SLC35F1: variants seen among roughly 807,000 people sequenced by gnomAD.
SLC35F1 encodes the protein chromosome 6 open reading frame 169.
SLC35F1 carries 14 observed loss-of-function variants against 48.7 expected under a neutral mutation model. The ratio of observed to expected loss-of-function variants is 0.29; its 90% CI spans 0.19 to 0.45. The LOEUF is 0.45. SLC35F1 is among the 20% of genes least tolerant of loss of function. The pLI is 1.00. For synonymous variants in SLC35F1, 190 were observed against 202.2 expected (o/e 0.94, Z 0.51); for missense variants, 404 against 500.0 (o/e 0.81, Z 1.83).
chr6:118,106,977 A>G (rs950006742), intron 1 of SLC35F1, among the ~76,000 whole-genome samples: 3 of 152,222 alleles, frequency 2.0e-5, no homozygotes, highest in Non-Finnish European at 2.9e-5. Flanking sequence ...TCTACCCCCC[A>G]GCATCACTTT....
At chr6:118,034,531 C>G (rs1683822038) in intron 1 of SLC35F1, among the ~76,000 whole-genome samples, 1 of 151,722 alleles carries the variant, frequency 6.6e-6, no homozygotes, top group South Asian at 2.1e-4. Context: ...GCACTCCAGC[C>G]TGGGTGACAG....
intron 1 of SLC35F1, among the ~76,000 whole-genome samples, chr6:117,915,868 G>T (rs143241599): frequency 6.6e-6 from 1 of 152,290 alleles, no homozygotes; most frequent in Non-Finnish European, 1.5e-5. Context: ...TGGGGTGGAG[G>T]CAGCCAGGAC....
At chr6:117,951,315 G>A (rs993688539) in intron 1 of SLC35F1, among the ~76,000 whole-genome samples, 1 of 152,188 alleles carries the variant, frequency 6.6e-6, no homozygotes, top group Non-Finnish European at 1.5e-5. Context: ...GGAGTAAAGA[G>A]TTTTCTGCTG....
At chr6:118,036,652 G>T (rs1172750492) in intron 1 of SLC35F1, among the ~76,000 whole-genome samples, 1 of 152,010 alleles carries the variant, frequency 6.6e-6, no homozygotes, top group Non-Finnish European at 1.5e-5. Context: ...CCACCTCCTG[G>T]GCTCAAGCAA....
rs116539261 is a variant in SLC35F1, at chr6:118,111,756, G to T, written c.174-42689G>T. 5.7e-3 allele frequency among the ~76,000 whole-genome samples: 864 copies of T among 152,236 alleles called. 6 individuals are homozygous for T. The highest frequency in any genetic ancestry group is 0.02 in the African/African-American group (831 of 41,544). ...AAAGAATAAGAGAAACAATATATTG[G>T]GTGATTAAGCTTATGAATAATTGAA... On this transcript the variant is annotated intron_variant, in intron 1 of 7. Coordinates refer to ENST00000360388, the MANE Select transcript of SLC35F1 (RefSeq NM_001029858.4).
intron 1 of SLC35F1, among the ~76,000 whole-genome samples, chr6:117,971,593 G>A (rs1428685543): frequency 1.3e-5 from 2 of 152,250 alleles, no homozygotes; most frequent in East Asian, 3.8e-4. Context: ...CTTCTGCCTG[G>A]ACATCCAGTC....
At chr6:118,083,860 C>T (rs1329988619) in intron 1 of SLC35F1, among the ~76,000 whole-genome samples, 2 of 152,196 alleles carry the variant, frequency 1.3e-5, no homozygotes, top group Non-Finnish European at 2.9e-5. Context: ...TGCAAACTGT[C>T]TGTGCTATTG....
intron 1 of SLC35F1, among the ~76,000 whole-genome samples, chr6:118,142,337 A>G (rs183418596): frequency 1.8e-3 from 269 of 152,274 alleles, no homozygotes; most frequent in African/African-American, 6.3e-3. Context: ...ATGGTAAAAT[A>G]GTTACTAGAA....
Position 117,929,215 on chromosome 6 carries a change from A to C in SLC35F1, c.173+21316A>C, listed in dbSNP as rs113038077. ...ATAAACCCCTAATTTTAGTTTGTCG[A>C]GGAGATGGATTTGAGGCTAATCTCC... On this transcript the variant is annotated intron_variant, in intron 1 of 7. Coordinates refer to ENST00000360388, the MANE Select transcript of SLC35F1 (RefSeq NM_001029858.4). 5.7e-3 allele frequency among the ~76,000 whole-genome samples: 868 copies of C among 151,840 alleles called. 8 individuals are homozygous for C. The highest frequency in any genetic ancestry group is 0.02 in the African/African-American group (811 of 41,392).
chr6:117,969,805 C>A (rs1173928040), intron 1 of SLC35F1, among the ~76,000 whole-genome samples: 1 of 152,100 alleles, frequency 6.6e-6, no homozygotes, highest in Non-Finnish European at 1.5e-5. Flanking sequence ...ATATACATAG[C>A]TATTGTTAAT....
Position 118,275,582 on chromosome 6 carries a change from G to C in SLC35F1, c.761G>C (p.Gly254Ala). ...LSRVEFLGMI[G>A]LFGAFFSGIQ... ...CGAGTGGAATTCCTGGGAATGATTGGTCTCTTTGGAGCATTTTTCAGTGGA... is the reference window on the plus strand; with the variant it reads ...CGAGTGGAATTCCTGGGAATGATTGCTCTCTTTGGAGCATTTTTCAGTGGA... The change falls in exon 5 of 8, where the codon GGT becomes GCT. Residue 254 changes from glycine to alanine, a missense_variant. Physicochemically the swap from Gly to Ala is moderately conservative, Grantham distance 60. Around this residue, in one of 2 missense-constraint regions of SLC35F1, gnomAD observed 306 missense variants for 419.1 expected, o/e 0.73. Coordinates refer to ENST00000360388, the MANE Select transcript of SLC35F1 (RefSeq NM_001029858.4). 1 of 1,613,874 alleles carries C rather than the reference G, an allele frequency of 6.2e-7. No individual in the cohort carries two copies. Among genetic ancestry groups the C allele is most frequent in the Non-Finnish European group, 8.5e-7 (1 of 1,179,884 alleles).
intron 2 of SLC35F1, among the ~76,000 whole-genome samples, chr6:118,193,952 A>T (rs984247853): frequency 1.3e-5 from 2 of 152,238 alleles, no homozygotes; most frequent in Non-Finnish European, 1.5e-5. Context: ...TTTCTCAAAG[A>T]TTACAAAAGT....
intron 1 of SLC35F1, among the ~76,000 whole-genome samples, chr6:118,144,769 A>C (rs2114449837): frequency 6.6e-6 from 1 of 152,284 alleles, no homozygotes; most frequent in South Asian, 2.1e-4. Context: ...TGGAAAAATA[A>C]GAAATTAAGC....
chr6:118,204,176 G>A (rs1164750848), intron 2 of SLC35F1, among the ~76,000 whole-genome samples: 11 of 151,774 alleles, frequency 7.2e-5, no homozygotes, highest in Non-Finnish European at 1.6e-4. Flanking sequence ...CAGCCAGGGA[G>A]CCCAGCCCAG....
At chr6:118,167,284 C>T (rs1774332629) in intron 2 of SLC35F1, among the ~76,000 whole-genome samples, 2 of 152,144 alleles carry the variant, frequency 1.3e-5, no homozygotes, top group Admixed American at 1.3e-4. Flanking sequence ...ACTTTAATTG[C>T]AAAAGCATTT....
At chr6:118,265,823 T>C (rs529876941) in intron 3 of SLC35F1, among the ~76,000 whole-genome samples, 1 of 152,310 alleles carries the variant, frequency 6.6e-6, no homozygotes, top group South Asian at 2.1e-4. Context: ...AGCAAGGAGA[T>C]ATACTGGATG....
intron 3 of SLC35F1, among the ~76,000 whole-genome samples, chr6:118,238,817 A>G (rs1775400408): frequency 6.6e-6 from 1 of 152,180 alleles, no homozygotes; most frequent in Non-Finnish European, 1.5e-5. Flanking sequence ...AAGTATCTGA[A>G]TCAATAGAAG....
intron 1 of SLC35F1, among the ~76,000 whole-genome samples, chr6:118,003,456 G>A (rs978383251): frequency 2.0e-5 from 3 of 152,186 alleles, no homozygotes; most frequent in African/African-American, 7.2e-5. Flanking sequence ...TCTTCGGATG[G>A]GTCACATCAA....
At chr6:118,265,100 A>G (rs1775755569) in intron 3 of SLC35F1, among the ~76,000 whole-genome samples, 1 of 152,114 alleles carries the variant, frequency 6.6e-6, no homozygotes, top group African/African-American at 2.4e-5. Context: ...TGCTTGTTTC[A>G]TTTTGCAGAG....
Sources: allele counts gnomAD v4.1 joint callset (sites outside exome capture counted in the v4.1 genomes callset), GRCh38; gene constraint gnomAD v4.1.1; regional missense constraint gnomAD v4.1.1; transcripts MANE v1.5; gene names NCBI Gene and HGNC (gene_info 2026-07-23, HGNC 2026-07-21).